The following TMEM47 variants were observed in gnomAD, a reference collection of about 807,000 sequenced individuals.
TMEM47 encodes the protein transmembrane protein 47, also known as brain cell membrane protein 1.
In TMEM47, 3 loss-of-function variants were observed where a neutral mutation model predicts 12.4. The ratio of observed to expected loss-of-function variants is 0.24; its 90% CI spans 0.11 to 0.63. The LOEUF is 0.63. Among genes scored for constraint, TMEM47 ranks in the 20% least tolerant of loss-of-function variants. TMEM47 has a pLI of 0.86. For synonymous variants in TMEM47, 62 were observed against 63.3 expected, an observed-to-expected ratio of 0.98 and a Z score of 0.10; for missense variants, 89 against 143.8, an observed-to-expected ratio of 0.62 and a Z score of 1.95.
intron 2 of TMEM47, among the ~76,000 whole-genome samples, chrX:34,631,184 A>AAAAAAAAAAAAAAAAAAAG (rs1921616953): frequency 9.7e-6 from 1 of 103,228 alleles, no homozygotes. Flanking sequence ...AAAAAAAAAA[A>AAAAAAAAAAAAAAAAAAAG]AAAAAAAAAA....
chrX:34,650,674 C>A (rs1255800635), intron 1 of TMEM47, among the ~76,000 whole-genome samples: 1 of 112,194 alleles, frequency 8.9e-6, no homozygotes, highest in Admixed American at 9.5e-5. Context: ...CAGATGCATT[C>A]ATAACTTTCT....
rs1459720457 is a variant in TMEM47 at position 34,629,127 on chromosome X, T to A, written c.*1186A>T. On this transcript the variant is annotated 3_prime_UTR_variant, in exon 3 of 3. Coordinates refer to ENST00000275954, the MANE Select transcript of TMEM47 (RefSeq NM_031442.4). ...AAAAAATGAAGACATTTAAAATACT[T>A]GCAAAAAATAGCAGCCTTCTATTTT... 1 of 111,767 alleles carries A rather than the reference T, an allele frequency of 8.9e-6. No individual in the cohort carries two copies. Among genetic ancestry groups the A allele is most frequent in the Non-Finnish European group, 1.9e-5 (1 of 53,092 alleles). The allele number at this position is 111,767 out of a possible 1,213,427, so 9.2% of individuals were successfully genotyped here.
Position 34,654,232 on chromosome X carries a change from A to C in TMEM47, c.226+2572T>G, listed in dbSNP as rs1028532809. On this transcript the variant is annotated intron_variant, in intron 1 of 2. Transcript: ENST00000275954. ...AGGGCATACTATTGTGAGTAGAAAC[A>C]TTCCTGAAATGCTCCTTCAGTAAAT... Among the ~76,000 whole-genome samples the C allele has an allele frequency of 2.7e-5, 3 of 112,359 alleles. No homozygotes were observed. The South Asian group carries it at 1.1e-3, about 41-fold the overall frequency.
intron 2 of TMEM47, among the ~76,000 whole-genome samples, chrX:34,637,498 G>A (rs1921738574): frequency 9.0e-6 from 1 of 111,043 alleles, no homozygotes; most frequent in Admixed American, 9.6e-5. Context: ...ATAAATATAT[G>A]AAAAAACATC....
At chrX:34,633,859 A>AT (rs2147137351) in intron 2 of TMEM47, among the ~76,000 whole-genome samples, 1 of 111,777 alleles carries the variant, frequency 8.9e-6, no homozygotes, top group Non-Finnish European at 1.9e-5. Flanking sequence ...TTAGACTTTT[A>AT]TTGTGTTGGA....
At chrX:34,642,263 C>T (rs1424961712) in intron 1 of TMEM47, among the ~76,000 whole-genome samples, 2 of 112,611 alleles carry the variant, frequency 1.8e-5, no homozygotes, top group African/African-American at 6.4e-5. Flanking sequence ...AAATGTTGAA[C>T]TTTTTTCTAG....
chrX:34,639,471 T>C, intron 1 of TMEM47, 84 bp from the exon 2 acceptor site: 2 of 957,260 alleles, frequency 2.1e-6, no homozygotes, highest in Non-Finnish European at 2.9e-6. Context: ...CACCTTGCAG[T>C]GGCTCAACAG....
chrX:34,639,639 G>T (rs6632039), intron 1 of TMEM47, among the ~76,000 whole-genome samples: 30,710 of 110,820 alleles, frequency 0.28, 3,232 homozygotes, highest in East Asian at 0.65. Context: ...GACTCTATTA[G>T]GCATTCATGT....
At chrX:34,639,605 G>T (rs970701651) in intron 1 of TMEM47, among the ~76,000 whole-genome samples, 2 of 111,168 alleles carry the variant, frequency 1.8e-5, no homozygotes, top group African/African-American at 6.5e-5. Context: ...TTAGACCAGG[G>T]GTTTGCTAGG....
chrX:34,641,178 C>T (rs1921810735), intron 1 of TMEM47, among the ~76,000 whole-genome samples: 1 of 110,401 alleles, frequency 9.1e-6, no homozygotes, highest in Middle Eastern at 4.8e-3. Flanking sequence ...TTATATTGCA[C>T]TTTGGCATGA....
chrX:34,637,867 A>ATTT (rs1185703540), intron 2 of TMEM47, among the ~76,000 whole-genome samples: 13 of 109,036 alleles, frequency 1.2e-4, no homozygotes, highest in Admixed American at 4.9e-4. Flanking sequence ...TACTTTTATT[A>ATTT]TTTTTTTTTC....
chrX:34,630,494 G>A lies in TMEM47; in HGVS notation c.368-3C>T, dbSNP rs1299852080. ...CAGGCTGCAAACCTGTAAAACAACT[G>A]AAAGAAAAGCAAATCAAAATTAGAA... On this transcript the variant is annotated splice_polypyrimidine_tract_variant and splice_region_variant and intron_variant, in intron 2 of 2. Transcript: ENST00000275954. 1 of 1,181,755 alleles carries A rather than the reference G, an allele frequency of 8.5e-7. No homozygotes were observed. Among genetic ancestry groups the A allele is most frequent in the East Asian group, 3.0e-5 (1 of 33,470 alleles).
intron 1 of TMEM47, among the ~76,000 whole-genome samples, chrX:34,647,141 C>T (rs1448887481): frequency 9.0e-6 from 1 of 110,743 alleles, no homozygotes; most frequent in Non-Finnish European, 1.9e-5. Flanking sequence ...GAATGTACCC[C>T]CCTTTAAGTT....
At chrX:34,656,533 G>GT (rs778135497) in intron 1 of TMEM47, among the ~76,000 whole-genome samples, 1 of 110,791 alleles carries the variant, frequency 9.0e-6, no homozygotes, top group African/African-American at 3.3e-5. Context: ...CCAAAATAGC[G>GT]TACGTGTTAC....
At position 34,630,484 on chromosome X, in the gene TMEM47, T is replaced by C; in HGVS notation, c.375A>G (p.Leu125=). ...VAVMLFAAVV[L]QVCSLVLYPI... The stretch of plus-strand genomic sequence containing the variant: ...GGTAAAGGACCAGGCTGCAAACCTG[T>C]AAAACAACTGAAAGAAAAGCAAATC... Residue 125 remains leucine, a synonymous_variant, in exon 3 of 3, where the codon TTA becomes TTG. Transcript: ENST00000275954. 2 of 1,185,228 alleles carry C rather than the reference T, an allele frequency of 1.7e-6. No individual in the cohort carries two copies. Among genetic ancestry groups the C allele is most frequent in the Non-Finnish European group, 2.3e-6 (2 of 882,730 alleles).
chrX:34,638,891 A>C (rs1377277653), intron 2 of TMEM47, among the ~76,000 whole-genome samples: 1 of 112,074 alleles, frequency 8.9e-6, no homozygotes, highest in Non-Finnish European at 1.9e-5. Context: ...ATCAGAAAAA[A>C]TAATGCTGCC....
At position 34,655,016 on chromosome X, in the gene TMEM47, G is replaced by A. The variant is rs909879870; in HGVS notation, c.226+1788C>T. 1.2e-4 allele frequency among the ~76,000 whole-genome samples: 13 copies of A among 111,709 alleles called. No homozygotes were observed. The Middle Eastern group carries it at 0.023, about 198-fold the overall frequency. On this transcript the variant is annotated intron_variant, in intron 1 of 2. Coordinates refer to ENST00000275954, the MANE Select transcript of TMEM47 (RefSeq NM_031442.4). ...ATTTCCTTGACTAGAGAGGAAAAAA[G>A]CTGAGATAAATGGGTATGGAGGCAA...
chrX:34,651,522 T>C (rs761828275), intron 1 of TMEM47, among the ~76,000 whole-genome samples: 1 of 112,215 alleles, frequency 8.9e-6, no homozygotes, highest in Non-Finnish European at 1.9e-5. Context: ...TTATGTCCTA[T>C]CTGAATTCCT....
rs1276427825 is a variant in TMEM47 at position 34,630,102 on chromosome X, G to T, written c.*211C>A. ...TTGGAAGTTTGCAGCATTTGCCTAT[G>T]TCTAATCAGCTCTCTTAATTTGTGC... On this transcript the variant is annotated 3_prime_UTR_variant, in exon 3 of 3. Coordinates refer to ENST00000275954, the MANE Select transcript of TMEM47 (RefSeq NM_031442.4). 5.7e-6 allele frequency: 2 copies of T among 353,682 alleles called. No homozygotes were observed. The highest frequency in any genetic ancestry group is 4.1e-5 in the East Asian group (1 of 24,117). 29.1% of individuals were successfully genotyped at this position (353,682 alleles called of 1,213,427 possible).
Sources: gnomAD v4.1 joint callset for allele counts (sites outside exome capture counted in the v4.1 genomes callset) on GRCh38, gnomAD v4.1.1 for gene constraint, MANE v1.5 for transcripts, NCBI Gene and HGNC (gene_info 2026-07-23, HGNC 2026-07-21) for gene names.